Variants in SGK3 observed in about 807,000 individuals in gnomAD.
SGK3 encodes the protein serum/glucocorticoid regulated kinase family member 3.
In SGK3, 47 loss-of-function variants were observed where a neutral mutation model predicts 68.5. The ratio of observed to expected loss-of-function variants is 0.69; its 90% CI spans 0.54 to 0.87. The LOEUF (loss-of-function observed/expected upper bound fraction) is 0.87, where lower values mean the gene tolerates loss of function less well. Among genes scored for constraint, SGK3 ranks in the 40% least tolerant of loss-of-function variants. The probability of loss-of-function intolerance (pLI) is 0.00; values close to 1 mark genes in which losing one functional copy is unlikely to be tolerated. For missense variants in SGK3, 479 were observed against 575.5 expected (o/e 0.83, Z 1.72); for synonymous variants, 181 against 189.1 (o/e 0.96, Z 0.35).
chr8:66,764,465 CTTTTGT>C (rs1264539287), intron 1 of SGK3, among the ~76,000 whole-genome samples: 5 of 151,826 alleles, frequency 3.3e-5, no homozygotes, highest in African/African-American at 4.8e-5. Flanking sequence ...TGTACATTAT[CTTTTGT>C]TTTTGTTTTG....
At chr8:66,748,956 A>G (rs1002274193) in intron 1 of SGK3, among the ~76,000 whole-genome samples, 1 of 151,956 alleles carries the variant, frequency 6.6e-6, no homozygotes, top group African/African-American at 2.4e-5. Context: ...GTGCAGTGAC[A>G]CTATCTTGAC....
chr8:66,731,049 T>C (rs1047255675), intron 1 of SGK3, among the ~76,000 whole-genome samples: 9 of 152,200 alleles, frequency 5.9e-5, no homozygotes, highest in African/African-American at 1.9e-4. Flanking sequence ...TAAAAGTATA[T>C]TGTTTAATTT....
At chr8:66,815,643 A>T (rs1242025744) in intron 5 of SGK3, among the ~76,000 whole-genome samples, 1 of 152,122 alleles carries the variant, frequency 6.6e-6, no homozygotes, top group African/African-American at 2.4e-5. Flanking sequence ...CAAAGCTTGA[A>T]TTTGTCTCTT....
At chr8:66,776,208 C>G (rs748290721) in intron 1 of SGK3, among the ~76,000 whole-genome samples, 1 of 152,172 alleles carries the variant, frequency 6.6e-6, no homozygotes, top group Non-Finnish European at 1.5e-5. Context: ...AGGGGTGTTA[C>G]CTGATGTGAT....
At chr8:66,717,805 G>A (rs1400884096) in intron 1 of SGK3, among the ~76,000 whole-genome samples, 9 of 152,174 alleles carry the variant, frequency 5.9e-5, no homozygotes, top group African/African-American at 2.2e-4. Flanking sequence ...CCAGGTTCAA[G>A]CGATTCTCGT....
intron 5 of SGK3, among the ~76,000 whole-genome samples, chr8:66,819,625 G>T (rs979801166): frequency 2.0e-5 from 3 of 152,124 alleles, no homozygotes; most frequent in African/African-American, 7.2e-5. Context: ...GATCTTAAAT[G>T]TGCAGAGAAA....
At chr8:66,781,138 G>A (rs1585706900) in intron 1 of SGK3, among the ~76,000 whole-genome samples, 3 of 152,240 alleles carry the variant, frequency 2.0e-5, no homozygotes, top group Admixed American at 2.0e-4. Flanking sequence ...TGCTTGGAGT[G>A]TGCCTACAAA....
intron 4 of SGK3, among the ~76,000 whole-genome samples, chr8:66,811,056 G>A (rs764823790): frequency 2.0e-5 from 3 of 152,056 alleles, no homozygotes; most frequent in Non-Finnish European, 4.4e-5. Flanking sequence ...TGTCTCTGTT[G>A]CCCAGGCTGG....
intron 4 of SGK3, among the ~76,000 whole-genome samples, chr8:66,806,119 C>A (rs1808150317): frequency 6.6e-6 from 1 of 152,142 alleles, no homozygotes; most frequent in Non-Finnish European, 1.5e-5. Context: ...ATTCTTTACA[C>A]TTTATGAACC....
intron 1 of SGK3, among the ~76,000 whole-genome samples, chr8:66,768,586 A>G (rs1806401719): frequency 1.3e-5 from 2 of 151,950 alleles, no homozygotes; most frequent in Admixed American, 6.6e-5. Context: ...TTATTTTGAG[A>G]TGGAATCTTG....
intron 1 of SGK3, chr8:66,768,013 T>C (rs1179264222): frequency 4.0e-6 from 3 of 745,024 alleles, no homozygotes; most frequent in Non-Finnish European, 4.9e-6. Flanking sequence ...CATTCTGGAT[T>C]ATTGCCGCTC....
chr8:66,831,403 G>A, intron 8 of SGK3, 92 bp downstream of exon 8: 1 of 1,480,188 alleles, frequency 6.8e-7, no homozygotes, highest in Non-Finnish European at 9.3e-7. Context: ...CTGGAGTGTA[G>A]TGGTGCAGTC....
intron 1 of SGK3, among the ~76,000 whole-genome samples, chr8:66,785,220 T>C (rs1563625758): frequency 6.6e-6 from 1 of 152,244 alleles, no homozygotes; most frequent in Non-Finnish European, 1.5e-5. Context: ...AAAGGATGCA[T>C]GTAACAACAT....
At chr8:66,809,113 T>C (rs1396278918) in intron 4 of SGK3, among the ~76,000 whole-genome samples, 1 of 152,038 alleles carries the variant, frequency 6.6e-6, no homozygotes, top group Non-Finnish European at 1.5e-5. Context: ...GGTGATCCAC[T>C]GGCCTCAGCC....
intron 1 of SGK3, among the ~76,000 whole-genome samples, chr8:66,748,576 A>G (rs1805715674): frequency 6.6e-6 from 1 of 152,012 alleles, no homozygotes. Flanking sequence ...CAGCATCTCG[A>G]TCCTCCTGGA....
chr8:66,834,121 G>T (rs1181069567), intron 8 of SGK3, among the ~76,000 whole-genome samples: 1 of 152,164 alleles, frequency 6.6e-6, no homozygotes, highest in Non-Finnish European at 1.5e-5. Flanking sequence ...ACTAGGAAAG[G>T]TATATACAGG....
intron 1 of SGK3, among the ~76,000 whole-genome samples, chr8:66,779,561 A>AAT (rs200618083): frequency 0.11 from 9,685 of 88,608 alleles, 379 homozygotes; most frequent in East Asian, 0.16. Flanking sequence ...TATGTGTGTG[A>AAT]ATATATATAT....
chr8:66,786,590 T>C (rs1286349983), intron 1 of SGK3, among the ~76,000 whole-genome samples: 1 of 152,234 alleles, frequency 6.6e-6, no homozygotes, highest in Non-Finnish European at 1.5e-5. Context: ...TGCGTTTGAA[T>C]TCTAGCTCTA....
chr8:66,858,627 A>C (rs1268913046), intron 16 of SGK3, among the ~76,000 whole-genome samples: 2 of 152,126 alleles, frequency 1.3e-5, no homozygotes, highest in Non-Finnish European at 2.9e-5. Flanking sequence ...AGCCTTCCTT[A>C]CTTTTCTGTC....
Sources: gnomAD v4.1 joint callset for allele counts (sites outside exome capture counted in the v4.1 genomes callset) on GRCh38, gnomAD v4.1.1 for gene constraint, MANE v1.5 for transcripts, NCBI Gene and HGNC (gene_info 2026-07-23, HGNC 2026-07-21) for gene names.